The following CENPW variants were observed in gnomAD, a reference collection of about 807,000 sequenced individuals.
The protein encoded by CENPW is centromere protein W, also known as cancer-up-regulated gene 2 protein.
A neutral mutation model predicts 11.1 loss-of-function variants in CENPW; 3 were observed. The ratio of observed to expected loss-of-function variants is 0.27; its 90% CI spans 0.12 to 0.70. The LOEUF (loss-of-function observed/expected upper bound fraction) is 0.70, where lower values mean the gene tolerates loss of function less well. Ranked by LOEUF, CENPW falls within the 30% of genes least tolerant of loss-of-function variation. The probability of loss-of-function intolerance (pLI) is 0.77; values close to 1 mark genes in which losing one functional copy is unlikely to be tolerated. For synonymous variants in CENPW, 38 were observed against 42.0 expected, an observed-to-expected ratio of 0.91 and a Z score of 0.37; for missense variants, 100 against 105.6, an observed-to-expected ratio of 0.95 and a Z score of 0.23.
the CENPW span, among the ~76,000 whole-genome samples, chr6:126,439,745 A>T: frequency 6.6e-5 from 10 of 151,212 alleles, no homozygotes; most frequent in South Asian, 2.1e-3. Flanking sequence ...ATTTCTAACC[A>T]CTCTCTCTAG....
At chr6:126,414,849 G>A in the CENPW span, among the ~76,000 whole-genome samples, 3 of 151,306 alleles carry the variant, frequency 2.0e-5, no homozygotes, top group East Asian at 3.9e-4. Context: ...AAACATAAAC[G>A]AGATTGACAA....
the CENPW span, among the ~76,000 whole-genome samples, chr6:126,364,146 C>A: frequency 6.6e-6 from 1 of 152,076 alleles, no homozygotes; most frequent in Non-Finnish European, 1.5e-5. Context: ...TGGCATTAAA[C>A]CTGAGGTCTA....
chr6:126,421,415 G>T, the CENPW span, among the ~76,000 whole-genome samples: 1 of 151,970 alleles, frequency 6.6e-6, no homozygotes, highest in African/African-American at 2.4e-5. Flanking sequence ...GTTGCTACAA[G>T]AAACTATTTC....
chr6:126,476,947 G>C, the CENPW span, among the ~76,000 whole-genome samples: 1 of 151,942 alleles, frequency 6.6e-6, no homozygotes, highest in African/African-American at 2.4e-5. Flanking sequence ...GTTTAAATGG[G>C]TGACTGTTCT....
At chr6:126,421,241 A>G in the CENPW span, among the ~76,000 whole-genome samples, 3 of 152,114 alleles carry the variant, frequency 2.0e-5, no homozygotes, top group East Asian at 3.9e-4. Flanking sequence ...TTTCATTAAA[A>G]CTTTTAGTAT....
chr6:126,403,738 A>G, the CENPW span, among the ~76,000 whole-genome samples: 20 of 152,140 alleles, frequency 1.3e-4, no homozygotes, highest in Non-Finnish European at 2.6e-4. Flanking sequence ...AAAATACAAG[A>G]TGAAACAGTA....
chr6:126,382,744 A>T, the CENPW span, among the ~76,000 whole-genome samples: 1 of 152,190 alleles, frequency 6.6e-6, no homozygotes, highest in Non-Finnish European at 1.5e-5. Flanking sequence ...AATAAAAAAA[A>T]TTAAAATAAT....
At chr6:126,459,745 A>T in the CENPW span, among the ~76,000 whole-genome samples, 2 of 151,670 alleles carry the variant, frequency 1.3e-5, no homozygotes, top group East Asian at 3.9e-4. Context: ...AAATTAATTT[A>T]AAAAATCAGT....
chr6:126,430,854 A>G, the CENPW span, among the ~76,000 whole-genome samples: 2 of 152,076 alleles, frequency 1.3e-5, no homozygotes, highest in Non-Finnish European at 2.9e-5. Flanking sequence ...TGGGAGGCGG[A>G]GGCTGCAGTG....
At chr6:126,418,736 A>G in the CENPW span, among the ~76,000 whole-genome samples, 1 of 152,022 alleles carries the variant, frequency 6.6e-6, no homozygotes, top group Non-Finnish European at 1.5e-5. Flanking sequence ...GGTTAATATT[A>G]TACATGATGC....
chr6:126,423,003 C>T, the CENPW span, among the ~76,000 whole-genome samples: 4 of 152,078 alleles, frequency 2.6e-5, no homozygotes, highest in African/African-American at 7.2e-5. Flanking sequence ...CTTTAGCTTG[C>T]TTTTCCCTGA....
At chr6:126,474,708 G>T in the CENPW span, among the ~76,000 whole-genome samples, 1 of 152,050 alleles carries the variant, frequency 6.6e-6, no homozygotes, top group African/African-American at 2.4e-5. Flanking sequence ...TTACCCTTCA[G>T]CACACCAGAT....
At chr6:126,468,492 C>T in the CENPW span, among the ~76,000 whole-genome samples, 1 of 148,372 alleles carries the variant, frequency 6.7e-6, no homozygotes, top group Non-Finnish European at 1.5e-5. Flanking sequence ...AAATAGAATC[C>T]TGAAACAGAA....
At chr6:126,457,372 T>C in the CENPW span, among the ~76,000 whole-genome samples, 4 of 151,670 alleles carry the variant, frequency 2.6e-5, no homozygotes, top group South Asian at 4.2e-4. Flanking sequence ...CATAGAATAC[T>C]ATGCAGCCTT....
chr6:126,396,804 G>C, the CENPW span, among the ~76,000 whole-genome samples: 2 of 151,976 alleles, frequency 1.3e-5, no homozygotes. Flanking sequence ...TCTCTTCAAG[G>C]CAACAGGTTT....
chr6:126,411,994 AC>A, the CENPW span, among the ~76,000 whole-genome samples: 6 of 43,630 alleles, frequency 1.4e-4, no homozygotes, highest in African/African-American at 2.6e-4. Flanking sequence ...TCCTTCCCCC[AC>A]TCCCTTCCTC....
At chr6:126,342,416 G>A (rs1272716633) in intron 1 of CENPW, among the ~76,000 whole-genome samples, 1 of 152,160 alleles carries the variant, frequency 6.6e-6, no homozygotes, top group Non-Finnish European at 1.5e-5. Flanking sequence ...GAGCTATTGG[G>A]ACTCTTAACA....
chr6:126,389,363 A>G, the CENPW span, among the ~76,000 whole-genome samples: 10 of 151,722 alleles, frequency 6.6e-5, no homozygotes, highest in Non-Finnish European at 1.2e-4. Flanking sequence ...AAAGGTTTCT[A>G]CCTCCTTAGG....
the CENPW span, among the ~76,000 whole-genome samples, chr6:126,429,487 C>G: frequency 6.6e-6 from 1 of 152,046 alleles, no homozygotes; most frequent in Non-Finnish European, 1.5e-5. Flanking sequence ...CCCCCCAACT[C>G]TCTCTTGTTC....
Sources: gnomAD v4.1 joint callset for allele counts (sites outside exome capture counted in the v4.1 genomes callset) on GRCh38, gnomAD v4.1.1 for gene constraint, MANE v1.5 for transcripts, NCBI Gene and HGNC (gene_info 2026-07-23, HGNC 2026-07-21) for gene names.